BTRC: variants seen among roughly 807,000 people sequenced by gnomAD.
BTRC encodes the protein F-box/WD repeat-containing protein 1A.
A neutral mutation model predicts 85.5 loss-of-function variants in BTRC; 42 were observed. The observed-to-expected ratio is 0.49, with a 90% confidence interval of 0.38 to 0.64. The LOEUF (loss-of-function observed/expected upper bound fraction) is 0.64, where lower values mean the gene tolerates loss of function less well. Among genes scored for constraint, BTRC ranks in the 30% least tolerant of loss-of-function variants. The probability of loss-of-function intolerance (pLI) is 0.00; values close to 1 mark genes in which losing one functional copy is unlikely to be tolerated. For missense variants in BTRC, 594 were observed against 743.5 expected, an observed-to-expected ratio of 0.80 and a Z score of 2.34; for synonymous variants, 255 against 263.3, an observed-to-expected ratio of 0.97 and a Z score of 0.30.
intron 1 of BTRC, among the ~76,000 whole-genome samples, chr10:101,399,609 A>G (rs1943447879): frequency 6.6e-6 from 1 of 152,198 alleles, no homozygotes. Context: ...TTCTCCTAAC[A>G]GAAGTTTTTA....
rs71472573 is a variant in BTRC at position 101,478,781 on chromosome 10, C to CA, written c.235-572dup. Among the ~76,000 whole-genome samples, 866 of 119,832 alleles carry CA rather than the reference C, an allele frequency of 7.2e-3. 12 individuals carry two copies. The highest frequency in any genetic ancestry group is 0.015 in the South Asian group (53 of 3,606). 78.6% of individuals were successfully genotyped at this position (119,832 alleles called of 152,430 possible). ...GGGGTGACAGAGTAAGACCCTATCT[C>CA]AAAAAAAAAAAAAAAGAAAAGAAAA... On this transcript the variant is annotated intron_variant, in intron 3 of 14. Transcript: ENST00000370187.
chr10:101,398,808 C>T (rs955127687), intron 1 of BTRC, among the ~76,000 whole-genome samples: 3 of 152,012 alleles, frequency 2.0e-5, no homozygotes, highest in South Asian at 2.1e-4. Flanking sequence ...TAAAGTAATC[C>T]GTTGAATATT....
rs922454592 is a variant in BTRC at position 101,411,788 on chromosome 10, T to C, written c.49-18557T>C. ...ATCATATTTTGTGCCTCTTGTCTTG[T>C]AATTTTAGATTTAGTTGTAGACATT... is the stretch of plus-strand genomic sequence containing the variant. On this transcript the variant is annotated intron_variant, in intron 1 of 14. Coordinates refer to ENST00000370187, the MANE Select transcript of BTRC (RefSeq NM_033637.4). Among the ~76,000 whole-genome samples the C allele has an allele frequency of 4.0e-5, 6 of 151,530 alleles. No homozygotes were observed. In the East Asian group the frequency reaches 5.8e-4, roughly 15 times the overall value.
chr10:101,519,074 C>CTTTTTTT (rs35213665), intron 4 of BTRC, among the ~76,000 whole-genome samples: 6 of 104,950 alleles, frequency 5.7e-5, no homozygotes, highest in Admixed American at 1.1e-4. Context: ...CTCTTCTCAG[C>CTTTTTTT]TTTTTTTTTT....
chr10:101,458,592 A>G (rs556688964), intron 2 of BTRC, among the ~76,000 whole-genome samples: 51 of 152,310 alleles, frequency 3.3e-4, no homozygotes, highest in African/African-American at 1.2e-3. Flanking sequence ...AATTGCCTCA[A>G]CAGTGTGTGC....
At chr10:101,452,028 G>A (rs538828760) in intron 2 of BTRC, among the ~76,000 whole-genome samples, 1 of 152,238 alleles carries the variant, frequency 6.6e-6, no homozygotes, top group East Asian at 1.9e-4. Context: ...TCAGATTAAC[G>A]AGGCAGCAGC....
chr10:101,548,166 A>G (rs749894652), intron 13 of BTRC, among the ~76,000 whole-genome samples: 2 of 152,254 alleles, frequency 1.3e-5, no homozygotes, highest in African/African-American at 2.4e-5. Flanking sequence ...TGACTTTTAA[A>G]AAATTGTTTC....
At chr10:101,535,053 G>A (rs1835177712) in intron 10 of BTRC, 143 bp downstream of exon 10, 3 of 987,554 alleles carry the variant, frequency 3.0e-6, no homozygotes, top group African/African-American at 3.3e-5. Context: ...GTGAAAAGGT[G>A]TAATAAGTGA....
chr10:101,356,895 C>A (rs1361161108), intron 1 of BTRC, among the ~76,000 whole-genome samples: 1 of 152,068 alleles, frequency 6.6e-6, no homozygotes, highest in African/African-American at 2.4e-5. Flanking sequence ...CTTTGGGAGG[C>A]CGAGGCAGGC....
Position 101,550,799 on chromosome 10 carries a change from C to T in BTRC, c.1757C>T (p.Pro586Leu), listed in dbSNP as rs758271018. The T allele has an allele frequency of 6.2e-7, 1 of 1,614,024 alleles. No homozygotes were observed. Among genetic ancestry groups the T allele is most frequent in the Non-Finnish European group, 8.5e-7 (1 of 1,179,958 alleles). The change falls in exon 14 of 15, where the codon CCA becomes CTA. Residue 586 changes from proline (P) to leucine (L), a missense_variant. Physicochemically the swap from Pro to Leu is moderately conservative, Grantham distance 98 (BLOSUM62 -3). Transcript: ENST00000370187. ...CTCATCTGGGACTTCCTAAATGATC[C>T]AGCTGCCCAAGCTGAACCCCCCCGT... ...TILIWDFLNDPAAQAEPPRSP... is the reference protein window; with the variant it reads ...TILIWDFLNDLAAQAEPPRSP...
At chr10:101,378,113 G>T (rs1282929459) in intron 1 of BTRC, among the ~76,000 whole-genome samples, 2 of 152,052 alleles carry the variant, frequency 1.3e-5, no homozygotes, top group African/African-American at 4.8e-5. Flanking sequence ...CTTATTCAGG[G>T]AAGTAATTTA....
chr10:101,357,855 CAAAT>C (rs767292660), intron 1 of BTRC, among the ~76,000 whole-genome samples: 66 of 152,288 alleles, frequency 4.3e-4, no homozygotes, highest in Non-Finnish European at 7.8e-4. Flanking sequence ...CTTTTAAAAA[CAAAT>C]AAATGATATT....
intron 2 of BTRC, among the ~76,000 whole-genome samples, chr10:101,442,915 G>A (rs1238604410): frequency 5.4e-5 from 7 of 129,850 alleles, no homozygotes; most frequent in African/African-American, 1.6e-4. Flanking sequence ...TTTTTGAGAC[G>A]GAGTCTCGCT....
chr10:101,455,188 C>T (rs1056454742), intron 2 of BTRC, among the ~76,000 whole-genome samples: 59 of 150,646 alleles, frequency 3.9e-4, no homozygotes, highest in Non-Finnish European at 8.1e-4. Context: ...GTAGCTAGGA[C>T]GACAAGCATG....
chr10:101,444,191 T>C (rs1944764926), intron 2 of BTRC, among the ~76,000 whole-genome samples: 1 of 152,244 alleles, frequency 6.6e-6, no homozygotes, highest in Non-Finnish European at 1.5e-5. Context: ...CTCTTGCCTT[T>C]ACATACCTTC....
At chr10:101,389,109 T>G (rs1943159328) in intron 1 of BTRC, among the ~76,000 whole-genome samples, 1 of 91,934 alleles carries the variant, frequency 1.1e-5, no homozygotes, top group Non-Finnish European at 2.1e-5. Context: ...AATTGTGATT[T>G]TTTGTGTGTG....
At chr10:101,551,486 C>T (rs2062648147) in intron 14 of BTRC, among the ~76,000 whole-genome samples, 2 of 152,196 alleles carry the variant, frequency 1.3e-5, no homozygotes, top group Admixed American at 1.3e-4. Flanking sequence ...ACCTCTCTCT[C>T]AGGCAGGGGA....
intron 1 of BTRC, among the ~76,000 whole-genome samples, chr10:101,358,855 G>A (rs143693216): frequency 2.5e-4 from 38 of 152,332 alleles, no homozygotes; most frequent in African/African-American, 8.7e-4. Flanking sequence ...TACAGAGGGA[G>A]GAGAAATAAT....
intron 4 of BTRC, among the ~76,000 whole-genome samples, chr10:101,503,603 C>T (rs1479972271): frequency 1.3e-5 from 2 of 152,162 alleles, no homozygotes; most frequent in Admixed American, 1.3e-4. Flanking sequence ...CTGAAGATAA[C>T]CAAGACTTCC....
Sources: allele counts gnomAD v4.1 joint callset (sites outside exome capture counted in the v4.1 genomes callset), GRCh38; gene constraint gnomAD v4.1.1; transcripts MANE v1.5; gene names NCBI Gene and HGNC (gene_info 2026-07-23, HGNC 2026-07-21).